Variants in IQCE observed in about 807,000 individuals in gnomAD.
IQCE encodes the protein IQ motif containing E.
Under a neutral mutation model 96.0 loss-of-function variants are expected in IQCE, and 115 were observed. The ratio of observed to expected loss-of-function variants is 1.20; its 90% CI spans 1.03 to 1.40. The LOEUF is 1.40. Ranked by LOEUF, IQCE falls within the 40% of genes most tolerant of loss-of-function variation. The pLI is 0.00. For missense variants in IQCE, 1,041 were observed against 909.1 expected, an observed-to-expected ratio of 1.15 and a Z score of -1.87; for synonymous variants, 412 against 371.2, an observed-to-expected ratio of 1.11 and a Z score of -1.26.
chr7:2,564,647 CTAGTTTTCCTTGTTG>C (rs1309543980), intron 1 of IQCE, among the ~76,000 whole-genome samples: 2 of 151,548 alleles, frequency 1.3e-5, no homozygotes, highest in Non-Finnish European at 2.9e-5. Flanking sequence ...TTGTTGATTT[CTAGTTTTCCTTGTTG>C]TAGAAGAATA....
At chr7:2,577,056 C>T (rs1035363316) in intron 6 of IQCE, among the ~76,000 whole-genome samples, 2 of 152,170 alleles carry the variant, frequency 1.3e-5, no homozygotes, top group African/African-American at 4.8e-5. Context: ...TCCACGTCCC[C>T]ACCCACTAAA....
At chr7:2,590,736 G>A (rs576109005) in intron 14 of IQCE, among the ~76,000 whole-genome samples, 148 of 152,304 alleles carry the variant, frequency 9.7e-4, no homozygotes, top group Non-Finnish European at 1.6e-3. Context: ...CTGCACTCCA[G>A]CCTAGGCAAC....
At chr7:2,601,602 T>G (rs1583504413) in intron 18 of IQCE, 138 bp downstream of exon 18, 1 of 722,620 alleles carries the variant, frequency 1.4e-6, no homozygotes, top group Non-Finnish European at 2.5e-6. Context: ...CAGCCTGGAG[T>G]GCAGTGGTGC....
chr7:2,605,133 C>G, intron 19 of IQCE, 142 bp downstream of exon 19: 1 of 628,696 alleles, frequency 1.6e-6, no homozygotes, highest in South Asian at 1.8e-5. Context: ...CCATCCCTGG[C>G]CACGCAGGCC....
chr7:2,605,159 C>T (rs575125925), intron 19 of IQCE, among the ~76,000 whole-genome samples, 168 bp downstream of exon 19: 49 of 152,350 alleles, frequency 3.2e-4, no homozygotes, highest in Middle Eastern at 3.4e-3. Context: ...GGCTTCTCTG[C>T]GCAGGCCCCT....
At chr7:2,583,731 A>T in intron 10 of IQCE, 22 bp downstream of exon 10, 1 of 1,226,708 alleles carries the variant, frequency 8.2e-7, no homozygotes, top group East Asian at 4.3e-5. Context: ...TGGGCGGCGG[A>T]GCGGAGGGCG....
At chr7:2,580,180 G>A (rs989283750) in intron 8 of IQCE, 1 of 152,102 alleles carries the variant, frequency 6.6e-6, no homozygotes, top group East Asian at 1.9e-4. Context: ...TTGCAGATGT[G>A]CCTGAGGAGG....
At chr7:2,594,369 T>A (rs75174316) in intron 15 of IQCE, among the ~76,000 whole-genome samples, 1 of 41,662 alleles carries the variant, frequency 2.4e-5, no homozygotes, top group African/African-American at 1.1e-4. Context: ...CAGAAATGAA[T>A]TTTTTTTTGT....
At chr7:2,566,020 T>C (rs1781345456) in intron 1 of IQCE, among the ~76,000 whole-genome samples, 1 of 152,132 alleles carries the variant, frequency 6.6e-6, no homozygotes, top group Non-Finnish European at 1.5e-5. Flanking sequence ...TTGTAGAAAA[T>C]AAGTTTGCTT....
At chr7:2,586,857 G>A (rs932557325) in intron 12 of IQCE, among the ~76,000 whole-genome samples, 9 of 152,200 alleles carry the variant, frequency 5.9e-5, no homozygotes, top group African/African-American at 2.2e-4. Flanking sequence ...TGTGGCCCCT[G>A]AGGCCCAGCG....
chr7:2,583,586 T>C, intron 9 of IQCE, 51 bp from the exon 10 acceptor site: 1 of 1,404,176 alleles, frequency 7.1e-7, no homozygotes, highest in Non-Finnish European at 9.9e-7. Context: ...TCTTGCTCTG[T>C]CCCCTGGGAA....
chr7:2,582,744 T>TC, intron 9 of IQCE, 94 bp downstream of exon 9: 1 of 1,079,532 alleles, frequency 9.3e-7, no homozygotes, highest in Non-Finnish European at 1.4e-6. Flanking sequence ...CCGTCCTGTG[T>TC]CCCTACTCCC....
rs201179914 is a variant in IQCE, at chr7:2,573,964, C to CG, written c.465+477dup. 7.9e-3 allele frequency among the ~76,000 whole-genome samples: 1,207 copies of CG among 152,288 alleles called. 28 individuals are homozygous for CG. Among genetic ancestry groups the CG allele is most frequent in the Middle Eastern group, 0.034 (10 of 294 alleles). On this transcript the variant is annotated intron_variant, in intron 6 of 21. Transcript: ENST00000402050. ...TGCTGATGAACTTGAGACTCAGCGACGTTAGTGGTCTGTCCAAGGTTAACC... is the reference window on the plus strand; with the variant it reads ...TGCTGATGAACTTGAGACTCAGCGACGGTTAGTGGTCTGTCCAAGGTTAACC...
chr7:2,607,063 C>A, intron 20 of IQCE, 61 bp from the exon 21 acceptor site: 1 of 1,434,252 alleles, frequency 7.0e-7, no homozygotes, highest in Non-Finnish European at 9.4e-7. Context: ...CTGCTGTAAA[C>A]CTCAGAGAGG....
At chr7:2,576,683 G>A (rs539661106) in intron 6 of IQCE, among the ~76,000 whole-genome samples, 31 of 152,280 alleles carry the variant, frequency 2.0e-4, no homozygotes, top group African/African-American at 7.2e-4. Flanking sequence ...ACAGGGGTAA[G>A]CCACCGTGCC....
intron 6 of IQCE, 43 bp from the exon 7 acceptor site, chr7:2,578,199 C>T (rs781535571): frequency 1.6e-5 from 24 of 1,478,418 alleles, no homozygotes; most frequent in African/African-American, 2.8e-5. Flanking sequence ...GGCGTGTGCG[C>T]AGCTTCGTGT....
At chr7:2,579,705 G>A (rs1782507192) in intron 8 of IQCE, among the ~76,000 whole-genome samples, 1 of 106,978 alleles carries the variant, frequency 9.3e-6, no homozygotes, top group African/African-American at 3.2e-5. Flanking sequence ...CTGGTGGTGT[G>A]TGTGTGTGTG....
At chr7:2,595,610 G>A (rs548807013) in intron 16 of IQCE, among the ~76,000 whole-genome samples, 3 of 152,338 alleles carry the variant, frequency 2.0e-5, no homozygotes, top group African/African-American at 7.2e-5. Context: ...CGAGGTCCCT[G>A]GCTCTCTGCT....
chr7:2,578,703 A>C (rs193110898), intron 8 of IQCE, among the ~76,000 whole-genome samples, 177 bp downstream of exon 8: 1 of 152,288 alleles, frequency 6.6e-6, no homozygotes, highest in East Asian at 1.9e-4. Flanking sequence ...GAGGGGGGCC[A>C]GCAGGCTCAC....
Sources: allele counts gnomAD v4.1 joint callset (sites outside exome capture counted in the v4.1 genomes callset), GRCh38; gene constraint gnomAD v4.1.1; transcripts MANE v1.5; gene names NCBI Gene and HGNC (gene_info 2026-07-23, HGNC 2026-07-21).